Variants in TXLNG observed in about 807,000 individuals in gnomAD.
TXLNG encodes gamma-taxilin.
TXLNG carries 5 observed loss-of-function variants against 38.8 expected under a neutral mutation model. That is an observed-to-expected ratio of 0.13 (90% CI 0.07 to 0.27). TXLNG has a LOEUF of 0.27. Among genes scored for constraint, TXLNG ranks in the 10% least tolerant of loss-of-function variants. TXLNG has a pLI of 1.00. For synonymous variants in TXLNG, 182 were observed against 158.2 expected, an observed-to-expected ratio of 1.15 and a Z score of -1.13; for missense variants, 393 against 398.2, an observed-to-expected ratio of 0.99 and a Z score of 0.11.
chrX:16,841,979 T>C lies in TXLNG; in HGVS notation c.*213T>C. On this transcript the variant is annotated 3_prime_UTR_variant, in exon 10 of 10. Transcript: ENST00000380122. Reference sequence around the variant, plus strand: ...TCCTCAGCTGTGTTGCACATCAGCCTCGTTCTCCCTCCACTGGAATGCATG... The same window carrying C: ...TCCTCAGCTGTGTTGCACATCAGCCCCGTTCTCCCTCCACTGGAATGCATG... The C allele has an allele frequency of 2.4e-6, 1 of 412,900 alleles. No individual in the cohort carries two copies. Among genetic ancestry groups the C allele is most frequent in the Non-Finnish European group, 4.2e-6 (1 of 239,923 alleles). 34.0% of individuals were successfully genotyped at this position (412,900 alleles called of 1,213,427 possible).
chrX:16,840,401 A>G (rs1929751676), intron 9 of TXLNG: 1 of 750,080 alleles, frequency 1.3e-6, no homozygotes, highest in East Asian at 1.5e-4. Flanking sequence ...GGCTTTCAAA[A>G]AAAGCAACAA....
rs760462007 is a variant in TXLNG, at chrX:16,793,099, A to C, written c.102+6510A>C. ...GTGACATAGAGGGAGACTCCGTGTC[A>C]AAAAAAAAAAAAAGTATACAATAAT... On this transcript the variant is annotated intron_variant, in intron 1 of 9. Coordinates refer to ENST00000380122, the MANE Select transcript of TXLNG (RefSeq NM_018360.3). Among the ~76,000 whole-genome samples, 3 of 103,932 alleles carry C rather than the reference A, an allele frequency of 2.9e-5. No individual in the cohort carries two copies. In the South Asian group the frequency reaches 1.3e-3, roughly 44 times the overall value. The allele number at this position is 103,932 out of a possible 115,157, so 90.3% of individuals were successfully genotyped here.
At chrX:16,840,579 C>G (rs1383639042) in intron 9 of TXLNG, 2 of 339,605 alleles carry the variant, frequency 5.9e-6, no homozygotes, top group African/African-American at 2.9e-5. Flanking sequence ...CGAGACCAGC[C>G]TGGCCAACAT....
intron 1 of TXLNG, among the ~76,000 whole-genome samples, chrX:16,814,804 A>G (rs1928670908): frequency 8.9e-6 from 1 of 112,013 alleles, no homozygotes; most frequent in African/African-American, 3.2e-5. Flanking sequence ...AAGTGTTGCA[A>G]AGTTGACTGT....
intron 5 of TXLNG, among the ~76,000 whole-genome samples, chrX:16,831,120 T>TA (rs1477976119): frequency 3.6e-5 from 4 of 111,911 alleles, no homozygotes; most frequent in African/African-American, 1.3e-4. Flanking sequence ...ATAACCATAA[T>TA]ACCAGTTTCA....
At chrX:16,821,372 C>G (rs1319059642) in intron 3 of TXLNG, among the ~76,000 whole-genome samples, 1 of 110,639 alleles carries the variant, frequency 9.0e-6, no homozygotes, top group African/African-American at 3.3e-5. Context: ...ATCTCCTGAA[C>G]TTGTGATCCG....
intron 3 of TXLNG, among the ~76,000 whole-genome samples, chrX:16,827,035 TCTGGCCAACATAGGGAAACC>T (rs1333252373): frequency 1.9e-5 from 2 of 107,315 alleles, no homozygotes; most frequent in Non-Finnish European, 3.8e-5. Context: ...TTGAGACCAG[TCTGGCCAACATAGGGAAACC>T]CTGTCTCTAC....
chrX:16,824,932 A>C (rs1324134919), intron 3 of TXLNG, among the ~76,000 whole-genome samples: 1 of 110,114 alleles, frequency 9.1e-6, no homozygotes, highest in African/African-American at 3.3e-5. Context: ...TCTCAGAAAA[A>C]AAAAAAAAGT....
At position 16,842,886 on chromosome X, in the gene TXLNG, C is replaced by G. The variant is rs1182680622; in HGVS notation, c.*1120C>G. On this transcript the variant is annotated 3_prime_UTR_variant, in exon 10 of 10. Coordinates refer to ENST00000380122, the MANE Select transcript of TXLNG (RefSeq NM_018360.3). The stretch of plus-strand genomic sequence containing the variant: ...CGTGTTCAGTCTGTTTTCTCACCCC[C>G]TTCTTAGTTACCATCTCTTTTTTAA... 3.6e-5 allele frequency: 4 copies of G among 112,098 alleles called. No homozygotes were observed. 9.2% of individuals were successfully genotyped at this position (112,098 alleles called of 1,213,427 possible). A position where few individuals can be genotyped will look rare whatever the true frequency, so the allele number is the denominator to read the frequency against.
chrX:16,821,572 T>C (rs1160124969), intron 3 of TXLNG, among the ~76,000 whole-genome samples: 6 of 112,849 alleles, frequency 5.3e-5, no homozygotes, highest in African/African-American at 1.9e-4. Flanking sequence ...GCTAAAATTA[T>C]TGCCTTTTGT....
chrX:16,806,866 G>C (rs751605188), intron 1 of TXLNG, among the ~76,000 whole-genome samples: 123 of 104,251 alleles, frequency 1.2e-3, no homozygotes, highest in African/African-American at 4.2e-3. Context: ...GCAGTGAGCC[G>C]AGGTCGTGCC....
chrX:16,839,033 C>A (rs1185872557), intron 8 of TXLNG, among the ~76,000 whole-genome samples: 1 of 112,014 alleles, frequency 8.9e-6, no homozygotes, highest in Non-Finnish European at 1.9e-5. Flanking sequence ...AATGCCCCGA[C>A]CTGGATCAGA....
chrX:16,787,265 TG>T, intron 1 of TXLNG, among the ~76,000 whole-genome samples: 2 of 111,794 alleles, frequency 1.8e-5, no homozygotes, highest in Middle Eastern at 4.7e-3. Context: ...TGGCTGCACG[TG>T]GGGCCGGGGA....
At chrX:16,827,046 T>C (rs1427917312) in intron 3 of TXLNG, among the ~76,000 whole-genome samples, 1 of 108,103 alleles carries the variant, frequency 9.3e-6, no homozygotes, top group Non-Finnish European at 1.9e-5. Flanking sequence ...CTGGCCAACA[T>C]AGGGAAACCC....
intron 1 of TXLNG, among the ~76,000 whole-genome samples, chrX:16,799,337 C>G: frequency 8.9e-6 from 1 of 111,901 alleles, no homozygotes; most frequent in East Asian, 2.8e-4. Flanking sequence ...GACCTCCATG[C>G]CAGGCTTAAT....
At chrX:16,817,737 A>G (rs529296305) in intron 1 of TXLNG, among the ~76,000 whole-genome samples, 2 of 112,794 alleles carry the variant, frequency 1.8e-5, no homozygotes, top group East Asian at 5.6e-4. Flanking sequence ...AACATACTGG[A>G]ATAAAGGCAT....
intron 5 of TXLNG, among the ~76,000 whole-genome samples, chrX:16,831,350 C>T (rs1364660231): frequency 8.9e-6 from 1 of 112,447 alleles, no homozygotes; most frequent in African/African-American, 3.2e-5. Flanking sequence ...GGAGGATCAC[C>T]ACCACTGTAC....
chrX:16,820,859 C>A (rs1246447351), intron 3 of TXLNG, among the ~76,000 whole-genome samples: 1 of 111,444 alleles, frequency 9.0e-6, no homozygotes, highest in Non-Finnish European at 1.9e-5. Context: ...AGCTCCACCT[C>A]CCGGGTTCAC....
Position 16,830,134 on chromosome X carries a change from T to C in TXLNG, c.864+364T>C, listed in dbSNP as rs1431953113. ...TATCTCAGACATCTATGATAATCTCTACAGTATCCACTACCATTGCATTAT... is the reference window on the plus strand; with the variant it reads ...TATCTCAGACATCTATGATAATCTCCACAGTATCCACTACCATTGCATTAT... On this transcript the variant is annotated intron_variant, in intron 5 of 9. Transcript: ENST00000380122. Among the ~76,000 whole-genome samples the C allele has an allele frequency of 4.5e-5, 5 of 110,872 alleles. No individual in the cohort carries two copies. The East Asian group carries it at 1.4e-3, about 31-fold the overall frequency.
Sources: gnomAD v4.1 joint callset for allele counts (sites outside exome capture counted in the v4.1 genomes callset) on GRCh38, gnomAD v4.1.1 for gene constraint, MANE v1.5 for transcripts, NCBI Gene and HGNC (gene_info 2026-07-23, HGNC 2026-07-21) for gene names.